The following SLC25A26 variants were observed in gnomAD, a reference collection of about 807,000 sequenced individuals.
SLC25A26 encodes the protein mitochondrial S-adenosylmethionine carrier protein.
SLC25A26 carries 36 observed loss-of-function variants against 37.8 expected under a neutral mutation model. The ratio of observed to expected loss-of-function variants is 0.95; its 90% confidence interval spans 0.73 to 1.26. SLC25A26 has a LOEUF of 1.26. Ranked by LOEUF, SLC25A26 falls within the 50% of genes most tolerant of loss-of-function variation. The probability of loss-of-function intolerance (pLI) is 0.00; values close to 1 mark genes in which losing one functional copy is unlikely to be tolerated. For synonymous variants in SLC25A26, 129 were observed against 122.5 expected (o/e 1.05, Z -0.35); for missense variants, 390 against 331.1 (o/e 1.18, Z -1.38).
intron 1 of SLC25A26, among the ~76,000 whole-genome samples, chr3:66,177,230 G>A (rs948130473): frequency 6.6e-6 from 1 of 152,332 alleles, no homozygotes; most frequent in African/African-American, 2.4e-5. Context: ...CAGCTGACAT[G>A]TTCTCTGCCC....
At chr3:66,213,944 T>C (rs2071322702) in intron 1 of SLC25A26, among the ~76,000 whole-genome samples, 1 of 152,174 alleles carries the variant, frequency 6.6e-6, no homozygotes, top group East Asian at 1.9e-4. Flanking sequence ...AAAAGGTAAT[T>C]ATTCATTAAA....
intron 1 of SLC25A26, among the ~76,000 whole-genome samples, chr3:66,225,397 G>T (rs150663243): frequency 0.038 from 5,751 of 152,184 alleles, 359 homozygotes; most frequent in African/African-American, 0.13. Context: ...CTCTACCTTG[G>T]CCCCTTCTAG....
intron 2 of SLC25A26, among the ~76,000 whole-genome samples, chr3:66,242,184 C>T (rs1200868453): frequency 6.6e-6 from 1 of 152,108 alleles, no homozygotes; most frequent in African/African-American, 2.4e-5. Flanking sequence ...CTGTCTCTCT[C>T]CCTTTTCTTG....
At chr3:66,143,272 C>T (rs941946190) in intron 1 of SLC25A26, among the ~76,000 whole-genome samples, 8 of 152,110 alleles carry the variant, frequency 5.3e-5, no homozygotes, top group African/African-American at 1.9e-4. Context: ...TACCTTTTGG[C>T]TATCGTGAAT....
At chr3:66,175,134 T>TAC (rs2070563762) in intron 1 of SLC25A26, among the ~76,000 whole-genome samples, 1 of 72,672 alleles carries the variant, frequency 1.4e-5, no homozygotes, top group African/African-American at 5.6e-5. Context: ...TATATATATA[T>TAC]ATATATACAC....
chr3:66,153,067 C>G (rs1003695082), intron 1 of SLC25A26, among the ~76,000 whole-genome samples: 3 of 152,206 alleles, frequency 2.0e-5, no homozygotes, highest in Non-Finnish European at 4.4e-5. Flanking sequence ...AAACATACTT[C>G]TCACTCCCCA....
rs1350268169 is a variant in SLC25A26 at position 66,182,502 on chromosome 3, GA to G, written c.-353-38236del. On this transcript the variant is annotated intron_variant, in intron 1 of 10. Coordinates refer to the SLC25A26 transcript ENST00000676754. ...TTAGGGATTTGAATCTAAAAAGCTG[GA>G]AAACACTGTTTCATAGAGTCTTCAG... is the stretch of plus-strand genomic sequence containing the variant. Among the ~76,000 whole-genome samples, 12 of 152,164 alleles carry G rather than the reference GA, an allele frequency of 7.9e-5. No homozygotes were observed. The East Asian group carries it at 2.1e-3, about 27-fold the overall frequency.
At chr3:66,241,645 A>G (rs1056657457) in intron 2 of SLC25A26, among the ~76,000 whole-genome samples, 2 of 152,182 alleles carry the variant, frequency 1.3e-5, no homozygotes, top group African/African-American at 4.8e-5. Flanking sequence ...AGGGTTCAAA[A>G]ATAGCCTTGT....
At chr3:66,339,461 A>G (rs761744898) in intron 5 of SLC25A26, among the ~76,000 whole-genome samples, 1 of 152,006 alleles carries the variant, frequency 6.6e-6, no homozygotes, top group Admixed American at 6.6e-5. Flanking sequence ...ACTGTTTTCA[A>G]GTGACTGCAG....
chr3:66,313,068 C>G (rs1363601548), intron 5 of SLC25A26, among the ~76,000 whole-genome samples: 5 of 152,186 alleles, frequency 3.3e-5, no homozygotes, highest in African/African-American at 1.2e-4. Flanking sequence ...TTCTTCCACT[C>G]TGTAGGTTGC....
intron 1 of SLC25A26, among the ~76,000 whole-genome samples, chr3:66,229,960 C>G (rs782764436): frequency 2.1e-4 from 32 of 152,134 alleles, no homozygotes; most frequent in Non-Finnish European, 3.8e-4. Context: ...ACAAAGTGGT[C>G]ATGGTGGCTG....
At chr3:66,186,860 T>G (rs1027383062) in intron 1 of SLC25A26, among the ~76,000 whole-genome samples, 185 of 152,192 alleles carry the variant, frequency 1.2e-3, no homozygotes, top group African/African-American at 4.3e-3. Flanking sequence ...TGATATTCAC[T>G]CTAACCTTAA....
chr3:66,377,264 AC>A (rs1453873590), intron 9 of SLC25A26, among the ~76,000 whole-genome samples: 1 of 152,170 alleles, frequency 6.6e-6, no homozygotes, highest in Non-Finnish European at 1.5e-5. Flanking sequence ...CAGAAAAGGA[AC>A]ACAGGGAATC....
intron 5 of SLC25A26, among the ~76,000 whole-genome samples, chr3:66,335,860 C>G (rs1300265167): frequency 6.6e-6 from 1 of 151,926 alleles, no homozygotes; most frequent in Non-Finnish European, 1.5e-5. Flanking sequence ...TTCAAAGGTG[C>G]TTTTAATACT....
intron 7 of SLC25A26, among the ~76,000 whole-genome samples, chr3:66,364,618 G>C (rs767339887): frequency 9.9e-5 from 15 of 152,178 alleles, no homozygotes; most frequent in Non-Finnish European, 1.9e-4. Context: ...GATTACTTCA[G>C]GGCTTGAGAT....
chr3:66,301,684 A>G (rs1273629527), intron 5 of SLC25A26, among the ~76,000 whole-genome samples: 4 of 152,196 alleles, frequency 2.6e-5, no homozygotes, highest in African/African-American at 9.6e-5. Context: ...GTCTTTTCCT[A>G]TCTACATGTT....
chr3:66,219,497 AAC>A (rs1238061303), upstream of SLC25A26, among the ~76,000 whole-genome samples: 1 of 152,246 alleles, frequency 6.6e-6, no homozygotes, highest in Non-Finnish European at 1.5e-5. Context: ...TAATAGCAGC[AAC>A]AGAGATTCTT....
intron 5 of SLC25A26, among the ~76,000 whole-genome samples, chr3:66,340,709 T>A (rs922368693): frequency 6.6e-6 from 1 of 152,084 alleles, no homozygotes; most frequent in African/African-American, 2.4e-5. Flanking sequence ...TCCTTACGCC[T>A]TGTTACTCTG....
At position 66,378,614 on chromosome 3, in the gene SLC25A26, T is replaced by C. The variant is rs1700823952; in HGVS notation, c.*807T>C. On this transcript the variant is annotated 3_prime_UTR_variant, in exon 10 of 10. Transcript: ENST00000354883. ...CACCACACTTAGGGATTTTAGACCT[T>C]GACTAACAAGCTCCAGGTGTAGAAA... 1 of 152,422 alleles carries C rather than the reference T, an allele frequency of 6.6e-6. No homozygotes were observed. The highest frequency in any genetic ancestry group is 2.4e-5 in the African/African-American group (1 of 41,468). The allele number at this position is 152,422 out of a possible 1,614,324, so 9.4% of individuals were successfully genotyped here.
Sources: gnomAD v4.1 joint callset for allele counts (sites outside exome capture counted in the v4.1 genomes callset) on GRCh38, gnomAD v4.1.1 for gene constraint, MANE v1.5 for transcripts, NCBI Gene and HGNC (gene_info 2026-07-23, HGNC 2026-07-21) for gene names.